NOTUM: variants seen among roughly 807,000 people sequenced by gnomAD.
The protein encoded by NOTUM is notum, palmitoleoyl-protein carboxylesterase.
NOTUM carries 36 observed loss-of-function variants against 65.5 expected under a neutral mutation model. The observed-to-expected ratio is 0.55, with a 90% CI of 0.42 to 0.73. The LOEUF (loss-of-function observed/expected upper bound fraction) is 0.73. Among genes scored for constraint, NOTUM ranks in the 30% least tolerant of loss-of-function variants. NOTUM has a pLI of 0.00. For missense variants in NOTUM, 659 were observed against 694.2 expected, an observed-to-expected ratio of 0.95 and a Z score of 0.57; for synonymous variants, 356 against 297.9, an observed-to-expected ratio of 1.20 and a Z score of -2.01.
Position 81,957,873 on chromosome 17 carries a change from C to T in NOTUM, c.628G>A (p.Glu210Lys). ...CTGCCCAGAAGCTCCCGCACCACCTCCTGGATGATGAGGGCGCCCATGAAG... is the reference window on the plus strand; with the variant it reads ...CTGCCCAGAAGCTCCCGCACCACCTTCTGGATGATGAGGGCGCCCATGAAG... ...YAFMGALIIQEVVRELLGRGL... is the reference protein window; with the variant it reads ...YAFMGALIIQKVVRELLGRGL... Residue 210 changes from glutamate (E) to lysine (K), a missense_variant, in exon 6 of 11, where the codon GAG (glutamate) becomes AAG (lysine). Transcript: ENST00000409678. The T allele has an allele frequency of 6.2e-7, 1 of 1,608,790 alleles. No homozygotes were observed. The highest frequency in any genetic ancestry group is 8.5e-7 in the Non-Finnish European group (1 of 1,178,220).
chr17:81,952,941 T>C lies in NOTUM; in HGVS notation c.*20A>G. 1 of 1,609,310 alleles carries C rather than the reference T, an allele frequency of 6.2e-7. No homozygotes were observed. Among genetic ancestry groups the C allele is most frequent in the Non-Finnish European group, 8.5e-7 (1 of 1,176,746 alleles). Reference sequence around the variant, plus strand: ...GGTGTCTGGGCCCCTCAGTGCCGGCTCCTCCTCCAGACAGTCTGCCTAGCT... The same window carrying C: ...GGTGTCTGGGCCCCTCAGTGCCGGCCCCTCCTCCAGACAGTCTGCCTAGCT... On this transcript the variant is annotated 3_prime_UTR_variant, in exon 11 of 11. Coordinates refer to ENST00000409678, the MANE Select transcript of NOTUM (RefSeq NM_178493.6).
chr17:81,959,576 C>A lies in NOTUM; in HGVS notation c.377-10G>T, dbSNP rs1423445657. 5.2e-6 allele frequency: 8 copies of A among 1,547,954 alleles called. No individual in the cohort carries two copies. Among genetic ancestry groups the A allele is most frequent in the Non-Finnish European group, 7.0e-6 (8 of 1,145,948 alleles). ...AAGCAGTACCAGCCGCCTGCGGACA[C>A]GACCGCCGCTCAGGCCCGCGCGCAC... On this transcript the variant is annotated splice_polypyrimidine_tract_variant and intron_variant, in intron 2 of 10. Coordinates refer to ENST00000409678, the MANE Select transcript of NOTUM (RefSeq NM_178493.6).
intron 10 of NOTUM, among the ~76,000 whole-genome samples, chr17:81,953,885 G>C (rs939967373): frequency 6.6e-6 from 1 of 151,444 alleles, no homozygotes; most frequent in African/African-American, 2.4e-5. Context: ...AGGTTCAAGC[G>C]ATTCTCCTGC....
At chr17:81,959,263 G>A (rs1015482207) in intron 3 of NOTUM, 2 of 610,104 alleles carry the variant, frequency 3.3e-6, no homozygotes, top group Admixed American at 2.9e-5. Flanking sequence ...ACCCTGGGGA[G>A]GGCCAGAGCC....
At position 81,956,906 on chromosome 17, in the gene NOTUM, C is replaced by G; in HGVS notation, c.864G>C (p.Thr288=). 1.2e-6 allele frequency: 2 copies of G among 1,611,648 alleles called. No individual in the cohort carries two copies. The highest frequency in any genetic ancestry group is 1.7e-6 in the Non-Finnish European group (2 of 1,179,664). ...ACCTGATGCCACGGCGGATGGCCTC[C>G]GTGGGCGCGCACGTGATCGTGTCGA... The part of the protein sequence containing the change: ...DCVDTITCAP[T]EAIRRGIRYW... The change falls in exon 7 of 11, where the codon ACG becomes ACC. Residue 288 remains threonine (T), a synonymous_variant. Coordinates refer to ENST00000409678, the MANE Select transcript of NOTUM (RefSeq NM_178493.6).
At chr17:81,957,306 C>T (rs1169717036) in intron 6 of NOTUM, among the ~76,000 whole-genome samples, 4 of 152,190 alleles carry the variant, frequency 2.6e-5, no homozygotes, top group Non-Finnish European at 5.9e-5. Flanking sequence ...AGGCTCTCCC[C>T]TTCCTCCTCC....
intron 1 of NOTUM, 43 bp from the exon 2 acceptor site, chr17:81,959,735 G>C: frequency 2.5e-6 from 3 of 1,209,642 alleles, no homozygotes; most frequent in Non-Finnish European, 3.2e-6. Flanking sequence ...CAGGGCTGCC[G>C]ACCCGCCGCG....
intron 9 of NOTUM, among the ~76,000 whole-genome samples, chr17:81,954,902 C>A (rs971404525): frequency 1.3e-5 from 2 of 151,706 alleles, no homozygotes; most frequent in Non-Finnish European, 2.9e-5. Flanking sequence ...TAGGCGTGAG[C>A]CAGTGTGCCA....
At chr17:81,959,354 C>T (rs2041456643) in intron 3 of NOTUM, 117 bp downstream of exon 3, 4 of 773,258 alleles carry the variant, frequency 5.2e-6, no homozygotes, top group Non-Finnish European at 8.3e-6. Context: ...TTAGTAAACC[C>T]GGGCGCCAGG....
chr17:81,955,385 CCA>C lies in NOTUM; in HGVS notation c.1136+10_1136+11del. On this transcript the variant is annotated intron_variant, in intron 9 of 10. Transcript: ENST00000409678. ...CTACCCGGCGTGGGGCTCCCGGGGC[CCA>C]CACACTCACGGCACGTCCTTGAGTG... 1 of 1,558,766 alleles carries C rather than the reference CCA, an allele frequency of 6.4e-7. No homozygotes were observed. Among genetic ancestry groups the C allele is most frequent in the Non-Finnish European group, 8.7e-7 (1 of 1,148,234 alleles).
At chr17:81,953,998 G>A (rs1375653801) in intron 10 of NOTUM, among the ~76,000 whole-genome samples, 4 of 151,174 alleles carry the variant, frequency 2.6e-5, no homozygotes, top group African/African-American at 9.7e-5. Flanking sequence ...GGCTGGTGTC[G>A]AACTCCTGAC....
rs1449460353 is a variant in NOTUM, at chr17:81,954,308, T to C, written c.1137-5A>G. On this transcript the variant is annotated splice_region_variant and splice_polypyrimidine_tract_variant and intron_variant, in intron 9 of 10. Coordinates refer to ENST00000409678, the MANE Select transcript of NOTUM (RefSeq NM_178493.6). Reference sequence around the variant, plus strand: ...CAGGCGGGGGCAAAGCTGGCCCTGTTGGAGAGGAGACAGTGGCTTGTGAGC... The same window carrying C: ...CAGGCGGGGGCAAAGCTGGCCCTGTCGGAGAGGAGACAGTGGCTTGTGAGC... 1 of 1,611,520 alleles carries C rather than the reference T, an allele frequency of 6.2e-7. No homozygotes were observed. The highest frequency in any genetic ancestry group is 8.5e-7 in the Non-Finnish European group (1 of 1,177,768).
chr17:81,957,032 A>T lies in NOTUM; in HGVS notation c.738T>A (p.Ala246=). ...TGVLLNVDRV[A]EQLEKLGYPA... is the part of the protein sequence containing the mutation. ...GGTAGCCCAGCTTCTCCAGCTGCTC[A>T]GCCACACGGTCCACATTCAGGAGCA... The change falls in exon 7 of 11, where the codon GCT becomes GCA. Residue 246 remains alanine, a synonymous_variant. Transcript: ENST00000409678. The T allele has an allele frequency of 6.2e-7, 1 of 1,610,130 alleles. No individual in the cohort carries two copies.
chr17:81,956,814 A>G, intron 7 of NOTUM, 64 bp from the exon 8 acceptor site: 2 of 1,591,892 alleles, frequency 1.3e-6, no homozygotes, highest in Non-Finnish European at 1.7e-6. Context: ...CCACCCACAG[A>G]TGCCACTCCA....
chr17:81,957,113 A>C, intron 6 of NOTUM, 39 bp from the exon 7 acceptor site: 5 of 1,545,808 alleles, frequency 3.2e-6, no homozygotes, highest in Non-Finnish European at 3.5e-6. Context: ...GTGGCTGGGA[A>C]GAGGCACTCA....
chr17:81,952,719 C>G lies in NOTUM; in HGVS notation c.*242G>C. ...AGTGCTTCTCTTCTGGCTACCCCCT[C>G]GTTGTCAGGAAGGACCCCCAGGCCA... On this transcript the variant is annotated 3_prime_UTR_variant, in exon 11 of 11. Transcript: ENST00000409678. 1 of 569,422 alleles carries G rather than the reference C, an allele frequency of 1.8e-6. No homozygotes were observed. Among genetic ancestry groups the G allele is most frequent in the Non-Finnish European group, 3.1e-6 (1 of 320,080 alleles). The allele number at this position is 569,422 out of a possible 1,614,324, so 35.3% of individuals were successfully genotyped here.
In NOTUM at chr17:81,960,471, G is replaced by A. The variant is rs1383877004; in HGVS notation, c.323+116C>T. ...CACTCCTCGGGGCCAGGACCGCGGG[G>A]CGCCCGACGGAAGCCCTTTCTCCCC... On this transcript the variant is annotated intron_variant, in intron 1 of 10. Coordinates refer to ENST00000409678, the MANE Select transcript of NOTUM (RefSeq NM_178493.6). This position sits in a 1 kb window ranked among gnomAD's most constrained non-coding sequence, Gnocchi z 6.4. The A allele has an allele frequency of 2.8e-6, 2 of 707,104 alleles. No individual in the cohort carries two copies. The highest frequency in any genetic ancestry group is 4.4e-6 in the Non-Finnish European group (2 of 458,350). 43.8% of individuals were successfully genotyped at this position (707,104 alleles called of 1,614,324 possible). A position where few individuals can be genotyped will look rare whatever the true frequency, so the allele number is the denominator to read the frequency against.
Position 81,957,811 on chromosome 17 carries a change from C to T in NOTUM, c.690G>A (p.Gly230=). 2 of 1,601,056 alleles carry T rather than the reference C, an allele frequency of 1.2e-6. No homozygotes were observed. Among genetic ancestry groups the T allele is most frequent in the Non-Finnish European group, 1.7e-6 (2 of 1,174,232 alleles). Reference sequence around the variant, plus strand: ...CCCTGCCCCGCCCTGCCCACCTGCTCCCGGCCAGCAGCAGCACCTTGGCCC... The same window carrying T: ...CCCTGCCCCGCCCTGCCCACCTGCTTCCGGCCAGCAGCAGCACCTTGGCCC... ...LSGAKVLLLA[G]SSAGGTGVLL... is the part of the protein sequence containing the mutation. Residue 230 remains glycine (G), a synonymous_variant, in exon 6 of 11, where the codon GGG becomes GGA. Transcript: ENST00000409678.
intron 1 of NOTUM, 115 bp from the exon 2 acceptor site, chr17:81,959,807 G>T: frequency 2.2e-6 from 1 of 460,484 alleles, no homozygotes; most frequent in Non-Finnish European, 3.3e-6. Flanking sequence ...CGCGACGGTC[G>T]CACGGGGGCG....
Sources: gnomAD v4.1 joint callset for allele counts (sites outside exome capture counted in the v4.1 genomes callset) on GRCh38, gnomAD v4.1.1 for gene constraint, Gnocchi (gnomAD v3.1) non-coding constraint, MANE v1.5 for transcripts, NCBI Gene and HGNC (gene_info 2026-07-23, HGNC 2026-07-21) for gene names.